The following RABEP1 variants were observed in gnomAD, a reference collection of about 807,000 sequenced individuals.
RABEP1 encodes the protein rabaptin, RAB GTPase binding effector protein 1.
RABEP1 carries 51 observed loss-of-function variants against 123.4 expected under a neutral mutation model. The ratio of observed to expected loss-of-function variants is 0.41; its 90% CI spans 0.33 to 0.52. The LOEUF is 0.52. Among genes scored for constraint, RABEP1 ranks in the 20% least tolerant of loss-of-function variants. The probability of loss-of-function intolerance (pLI) is 0.16; values close to 1 mark genes in which losing one functional copy is unlikely to be tolerated. For missense variants in RABEP1, 888 were observed against 996.3 expected (o/e 0.89, Z 1.46); for synonymous variants, 347 against 355.2 (o/e 0.98, Z 0.26).
rs1032106500 is a variant in RABEP1 at position 5,383,531 on chromosome 17, C to T, written c.*308C>T. 2.8e-5 allele frequency: 10 copies of T among 360,560 alleles called. No individual in the cohort carries two copies. Among genetic ancestry groups the T allele is most frequent in the South Asian group, 1.7e-4 (4 of 23,930 alleles). 22.3% of individuals were successfully genotyped at this position (360,560 alleles called of 1,614,324 possible). A position where few individuals can be genotyped will look rare whatever the true frequency, so the allele number is the denominator to read the frequency against. ...GCCTGCTTTCTCCAAGACAGATTTTCGGAACACATTTCCCTACCCTAAAGC... is the reference window on the plus strand; with the variant it reads ...GCCTGCTTTCTCCAAGACAGATTTTTGGAACACATTTCCCTACCCTAAAGC... On this transcript the variant is annotated 3_prime_UTR_variant, in exon 18 of 18. Coordinates refer to ENST00000537505, the MANE Select transcript of RABEP1 (RefSeq NM_004703.6).
At chr17:5,285,945 T>C (rs1385922200) in intron 1 of RABEP1, among the ~76,000 whole-genome samples, 2 of 152,236 alleles carry the variant, frequency 1.3e-5, no homozygotes, top group East Asian at 3.8e-4. Flanking sequence ...CAAATTTTAA[T>C]TATTTTATAA....
intron 5 of RABEP1, among the ~76,000 whole-genome samples, chr17:5,340,962 A>G (rs902218397): frequency 1.3e-5 from 2 of 151,230 alleles, no homozygotes; most frequent in African/African-American, 2.4e-5. Context: ...AAAAAAAAAA[A>G]GTACAAACAA....
At position 5,383,359 on chromosome 17, in the gene RABEP1, G is replaced by A; in HGVS notation, c.*136G>A. 2.7e-6 allele frequency: 2 copies of A among 732,322 alleles called. No individual in the cohort carries two copies. The highest frequency in any genetic ancestry group is 2.5e-4 in the Middle Eastern group (1 of 4,004). 45.4% of individuals were successfully genotyped at this position (732,322 alleles called of 1,614,324 possible). A position where few individuals can be genotyped will look rare whatever the true frequency, so the allele number is the denominator to read the frequency against. Reference sequence around the variant, plus strand: ...AAGACTGGAGAAATGCTTACTTCTAGAGGGAGAAGACTGTGCGGCACAGGA... The same window carrying A: ...AAGACTGGAGAAATGCTTACTTCTAAAGGGAGAAGACTGTGCGGCACAGGA... On this transcript the variant is annotated 3_prime_UTR_variant, in exon 18 of 18. Coordinates refer to ENST00000537505, the MANE Select transcript of RABEP1 (RefSeq NM_004703.6).
intron 1 of RABEP1, among the ~76,000 whole-genome samples, chr17:5,298,223 T>C (rs1567867095): frequency 1.3e-5 from 2 of 152,250 alleles, no homozygotes; most frequent in African/African-American, 4.8e-5. Context: ...AGTTTATAGC[T>C]AATGTGTAGC....
intron 8 of RABEP1, among the ~76,000 whole-genome samples, chr17:5,359,289 T>A (rs1421640991): frequency 6.6e-6 from 1 of 152,126 alleles, no homozygotes; most frequent in Non-Finnish European, 1.5e-5. Flanking sequence ...CTAGCCAGAA[T>A]GGTCTTGATC....
intron 17 of RABEP1, 105 bp downstream of exon 17, chr17:5,381,610 C>T: frequency 6.8e-7 from 1 of 1,465,152 alleles, no homozygotes; most frequent in Non-Finnish European, 9.0e-7. Context: ...GGTTTAGAGA[C>T]TGGCTGCTCC....
At chr17:5,337,688 G>A (rs942800709) in intron 4 of RABEP1, among the ~76,000 whole-genome samples, 3 of 151,442 alleles carry the variant, frequency 2.0e-5, no homozygotes, top group Admixed American at 1.3e-4. Flanking sequence ...GCGAGACTCC[G>A]TCTCAAAAAA....
chr17:5,333,530 CT>C lies in RABEP1; in HGVS notation c.367+1383del, dbSNP rs371291224. On this transcript the variant is annotated intron_variant, in intron 3 of 17. Coordinates refer to ENST00000537505, the MANE Select transcript of RABEP1 (RefSeq NM_004703.6). ...CCACCGTGTTTGCAATTGTGTATCA[CT>C]TTTTGCCTTAGTGCTCTTTATAAAA... Among the ~76,000 whole-genome samples the C allele has an allele frequency of 5.1e-4, 78 of 152,232 alleles. 1 individual carries two copies. Among genetic ancestry groups the C allele is most frequent in the African/African-American group, 1.8e-3 (76 of 41,534 alleles).
chr17:5,328,018 C>T (rs1170123886), intron 2 of RABEP1, among the ~76,000 whole-genome samples: 1 of 152,142 alleles, frequency 6.6e-6, no homozygotes, highest in Non-Finnish European at 1.5e-5. Context: ...TATATTGAGA[C>T]TGTGATATTC....
In RABEP1 at chr17:5,350,584, T is replaced by C; in HGVS notation, c.918T>C (p.Thr306=). The C allele has an allele frequency of 6.2e-7, 1 of 1,614,052 alleles. No individual in the cohort carries two copies. The highest frequency in any genetic ancestry group is 8.5e-7 in the Non-Finnish European group (1 of 1,180,000). The change falls in exon 7 of 18, where the codon ACT becomes ACC. Residue 306 remains threonine, a synonymous_variant. Transcript: ENST00000537505. ...RDMQRMEIVL[T]SEQLRQVEEL... Reference sequence around the variant, plus strand: ...TGCAGCGAATGGAGATTGTGCTAACTTCAGAACAGCTCCGACAAGTTGAAG... The same window carrying C: ...TGCAGCGAATGGAGATTGTGCTAACCTCAGAACAGCTCCGACAAGTTGAAG...
intron 7 of RABEP1, among the ~76,000 whole-genome samples, chr17:5,353,103 A>T (rs1193819973): frequency 6.6e-6 from 1 of 152,120 alleles, no homozygotes; most frequent in Admixed American, 6.6e-5. Context: ...GTGCTTACTC[A>T]CCACCTCTTT....
chr17:5,381,716 A>G (rs1450825606), intron 17 of RABEP1: 14 of 724,942 alleles, frequency 1.9e-5, no homozygotes, highest in East Asian at 7.4e-5. Context: ...TGCCTTGCCA[A>G]TTTTGCCTCC....
intron 1 of RABEP1, among the ~76,000 whole-genome samples, chr17:5,305,103 T>G (rs9909251): frequency 0.016 from 2,362 of 152,312 alleles, 56 homozygotes; most frequent in African/African-American, 0.054. Flanking sequence ...CCTTGATTTG[T>G]GGTTGGTTGC....
Position 5,338,131 on chromosome 17 carries a change from C to T in RABEP1, c.641C>T (p.Ala214Val). ...GAAGACAAAATTAAAGAGCTGGAGG[C>T]CTCAAAGGTTATGAAACATTGTAAT... Reference protein sequence around the residue: ...EAEDKIKELEASKVKELNHYL... With the variant: ...EAEDKIKELEVSKVKELNHYL... Residue 214 changes from alanine (A) to valine (V), a missense_variant, in exon 5 of 18, where the codon GCC becomes GTC. Coordinates refer to ENST00000537505, the MANE Select transcript of RABEP1 (RefSeq NM_004703.6). 6.2e-7 allele frequency: 1 copy of T among 1,611,508 alleles called. No homozygotes were observed. Among genetic ancestry groups the T allele is most frequent in the Non-Finnish European group, 8.5e-7 (1 of 1,178,804 alleles).
intron 1 of RABEP1, chr17:5,284,108 G>A (rs2074954531): frequency 6.6e-6 from 1 of 152,196 alleles, no homozygotes; most frequent in Non-Finnish European, 1.5e-5. Flanking sequence ...CTCTTGAGTT[G>A]CATGGAAAGA....
intron 2 of RABEP1, among the ~76,000 whole-genome samples, chr17:5,328,775 A>C (rs1180267629): frequency 6.6e-6 from 1 of 150,982 alleles, no homozygotes; most frequent in Non-Finnish European, 1.5e-5. Context: ...AGATGGTGAA[A>C]CCCTGTCTCT....
At chr17:5,365,008 G>C (rs1200778250) in intron 10 of RABEP1, 114 bp from the exon 11 acceptor site, 1 of 658,082 alleles carries the variant, frequency 1.5e-6, no homozygotes, top group African/African-American at 1.9e-5. Context: ...AATCTGTGGT[G>C]TTTCCCAGAA....
At chr17:5,333,397 C>T (rs370464616) in intron 3 of RABEP1, among the ~76,000 whole-genome samples, 4 of 151,624 alleles carry the variant, frequency 2.6e-5, no homozygotes, top group Middle Eastern at 3.2e-3. Context: ...CTCCTGACCT[C>T]GTGATCTGCC....
In RABEP1 at chr17:5,297,958, G is replaced by A. The variant is rs549464961; in HGVS notation, c.35-10736G>A. Among the ~76,000 whole-genome samples the A allele has an allele frequency of 7.2e-5, 11 of 152,310 alleles. No individual in the cohort carries two copies. In the South Asian group the frequency reaches 2.1e-3, roughly 29 times the overall value. On this transcript the variant is annotated intron_variant, in intron 1 of 17. Transcript: ENST00000537505. ...AGTTTCCTCCCAAGTGTTAACATCA[G>A]CGTTCTTTCCTTAAGACTTCTCTTT...
Sources: allele counts gnomAD v4.1 joint callset (sites outside exome capture counted in the v4.1 genomes callset), GRCh38; gene constraint gnomAD v4.1.1; transcripts MANE v1.5; gene names NCBI Gene and HGNC (gene_info 2026-07-23, HGNC 2026-07-21).